Variants in CFAP70 observed in about 807,000 individuals in gnomAD.
The protein encoded by CFAP70 is cilia and flagella associated protein 70, also known as cilia- and flagella-associated protein 70.
CFAP70 carries 81 observed loss-of-function variants against 137.6 expected under a neutral mutation model. That is an observed-to-expected ratio of 0.59 (90% CI 0.49 to 0.71). The LOEUF (loss-of-function observed/expected upper bound fraction) is 0.71. CFAP70 is among the 30% of genes least tolerant of loss of function. The pLI, the probability that CFAP70 is intolerant of heterozygous loss-of-function variation, is 0.00. For synonymous variants in CFAP70, 382 were observed against 423.6 expected (o/e 0.90, Z 1.20); for missense variants, 976 against 1,226.7 (o/e 0.80, Z 3.05).
At chr10:73,285,641 T>TC (rs1383348104) in intron 19 of CFAP70, among the ~76,000 whole-genome samples, 1 of 150,586 alleles carries the variant, frequency 6.6e-6, no homozygotes, top group East Asian at 1.9e-4. Context: ...TTTTCTTTTT[T>TC]TTTTTTTTTT....
intron 5 of CFAP70, 66 bp downstream of exon 6, chr10:73,344,999 G>C (rs2053586317): frequency 7.5e-7 from 1 of 1,329,990 alleles, no homozygotes; most frequent in African/African-American, 1.4e-5. Flanking sequence ...TAGAGGTGAG[G>C]AAGAGATGGC....
In CFAP70 at chr10:73,259,814, C is replaced by T. The variant is rs571842358; in HGVS notation, c.3028-3398G>A. Among the ~76,000 whole-genome samples, 15 of 152,130 alleles carry T rather than the reference C, an allele frequency of 9.9e-5. No homozygotes were observed. The South Asian group carries it at 2.7e-3, about 27-fold the overall frequency. On this transcript the variant is annotated intron_variant, in intron 25 of 26. Transcript: ENST00000310715. ...GCAAGGCTGAGGGGGAAAGATCGCT[C>T]GAGCCCATGTGTTTAAGACCAGCCT... is the stretch of plus-strand genomic sequence containing the variant.
intron 12 of CFAP70, among the ~76,000 whole-genome samples, chr10:73,304,274 G>A (rs980299329): frequency 6.6e-5 from 10 of 152,158 alleles, no homozygotes; most frequent in African/African-American, 2.4e-4. Context: ...GGCTGGTGTC[G>A]AACTCCTGAC....
intron 1 of CFAP70, among the ~76,000 whole-genome samples, chr10:73,358,110 T>C (rs1414377312): frequency 6.6e-6 from 1 of 152,212 alleles, no homozygotes. Context: ...GCTTTTTAAG[T>C]ATGAAGCACT....
intron 24 of CFAP70, 186 bp downstream of exon 25, chr10:73,272,742 T>A: frequency 1.5e-6 from 1 of 672,198 alleles, no homozygotes; most frequent in Non-Finnish European, 2.7e-6. Context: ...TAAAAAGATC[T>A]TTTATTTTTC....
chr10:73,289,375 T>C (rs1348205667), intron 19 of CFAP70, among the ~76,000 whole-genome samples: 1 of 152,068 alleles, frequency 6.6e-6, no homozygotes, highest in East Asian at 1.9e-4. Flanking sequence ...AACCTCTGCC[T>C]CCTGGGTTCA....
At chr10:73,289,293 T>C (rs1024004994) in intron 19 of CFAP70, among the ~76,000 whole-genome samples, 3 of 148,570 alleles carry the variant, frequency 2.0e-5, no homozygotes, top group Admixed American at 6.6e-5. Flanking sequence ...TTATTATTAT[T>C]ATTTTTTTTT....
intron 19 of CFAP70, among the ~76,000 whole-genome samples, chr10:73,289,280 T>A (rs7910685): frequency 0.74 from 111,904 of 151,388 alleles, 41,525 homozygotes; most frequent in East Asian, 0.97. Context: ...TTAATTAATT[T>A]ATTTATTATT....
At chr10:73,320,484 C>T (rs1403327282) in intron 9 of CFAP70, among the ~76,000 whole-genome samples, 1 of 151,796 alleles carries the variant, frequency 6.6e-6, no homozygotes, top group African/African-American at 2.4e-5. Flanking sequence ...CCACCATGCT[C>T]TGCTAATTAA....
At chr10:73,274,449 T>A in exon 23 of CFAP70, 1 of 1,612,660 alleles carries the variant, frequency 6.2e-7, no homozygotes, top group Admixed American at 1.7e-5. Flanking sequence ...CTCTTCCAGA[T>A]AGATGAGCCC....
exon 10 of CFAP70, chr10:73,312,496 C>T: frequency 1.2e-6 from 2 of 1,608,282 alleles, no homozygotes; most frequent in Non-Finnish European, 8.5e-7. Flanking sequence ...CTAGGCCTTC[C>T]ATCTATATCC....
intron 3 of CFAP70, among the ~76,000 whole-genome samples, chr10:73,350,652 A>G (rs2054114680): frequency 6.6e-6 from 1 of 152,162 alleles, no homozygotes; most frequent in Non-Finnish European, 1.5e-5. Flanking sequence ...CAGTTGTGAA[A>G]TACTTATAAA....
Position 73,299,584 on chromosome 10 carries a change from C to G in CFAP70, c.1317+21G>C, listed in dbSNP as rs112112231. On this transcript the variant is annotated intron_variant, in intron 13 of 26. Transcript: ENST00000310715. Reference sequence around the variant, plus strand: ...CTCAATATCTTATTACTTATCATTTCAACTTGGCTTTGGCACTTGCCTTCT... The same window carrying G: ...CTCAATATCTTATTACTTATCATTTGAACTTGGCTTTGGCACTTGCCTTCT... 18 of 1,607,372 alleles carry G rather than the reference C, an allele frequency of 1.1e-5. No individual in the cohort carries two copies. The African/African-American group carries it at 1.3e-4, about 12-fold the overall frequency.
At chr10:73,261,869 AG>A (rs1336201329) in intron 25 of CFAP70, among the ~76,000 whole-genome samples, 1 of 151,686 alleles carries the variant, frequency 6.6e-6, no homozygotes, top group African/African-American at 2.4e-5. Flanking sequence ...CATTATTTTA[AG>A]GGGTATTTTA....
intron 6 of CFAP70, among the ~76,000 whole-genome samples, chr10:73,337,128 T>C (rs996346186): frequency 1.3e-5 from 2 of 152,324 alleles, no homozygotes; most frequent in African/African-American, 2.4e-5. Flanking sequence ...AACGAATACA[T>C]GTATGTATTA....
intron 8 of CFAP70, 114 bp from the exon 10 acceptor site, chr10:73,323,211 C>A: frequency 1.0e-6 from 1 of 995,160 alleles, no homozygotes; most frequent in African/African-American, 1.6e-5. Context: ...AACTACTTAG[C>A]CAGTTATGTG....
intron 12 of CFAP70, among the ~76,000 whole-genome samples, chr10:73,304,194 C>T (rs1286418265): frequency 6.6e-6 from 1 of 152,108 alleles, no homozygotes; most frequent in Non-Finnish European, 1.5e-5. Flanking sequence ...GCTGGGACTA[C>T]AGGCACCCAC....
At chr10:73,322,893 C>A (rs2051002450) in intron 9 of CFAP70, 70 bp downstream of exon 10, 2 of 1,378,256 alleles carry the variant, frequency 1.5e-6, no homozygotes, top group Admixed American at 2.3e-5. Flanking sequence ...GATGTATATG[C>A]TAAAGATGTA....
exon 23 of CFAP70, chr10:73,274,449 T>G (rs1449017365): frequency 1.2e-6 from 2 of 1,612,660 alleles, no homozygotes; most frequent in South Asian, 1.1e-5. Context: ...CTCTTCCAGA[T>G]AGATGAGCCC....
Sources: allele counts gnomAD v4.1 joint callset (sites outside exome capture counted in the v4.1 genomes callset), GRCh38; gene constraint gnomAD v4.1.1; transcripts MANE v1.5; gene names NCBI Gene and HGNC (gene_info 2026-07-23, HGNC 2026-07-21).